Variants in RARS1 observed in about 807,000 individuals in gnomAD.
RARS1 encodes the protein arginine--tRNA ligase, cytoplasmic.
In RARS1, 75 loss-of-function variants were observed where a neutral mutation model predicts 78.7. The observed-to-expected ratio is 0.95, with a 90% CI of 0.79 to 1.15. RARS1 has a LOEUF of 1.15. Among genes scored for constraint, RARS1 ranks in the 50% most tolerant of loss-of-function variants. The probability of loss-of-function intolerance (pLI) is 0.00; values close to 1 mark genes in which losing one functional copy is unlikely to be tolerated. For missense variants in RARS1, 787 were observed against 787.5 expected, an observed-to-expected ratio of 1.00 and a Z score of 0.01; for synonymous variants, 273 against 268.2, an observed-to-expected ratio of 1.02 and a Z score of -0.18.
chr5:168,492,695 A>G lies in RARS1; in HGVS notation c.217A>G (p.Met73Val), dbSNP rs896438314. 2.5e-6 allele frequency: 4 copies of G among 1,610,552 alleles called. No homozygotes were observed. The Admixed American group carries it at 5.0e-5, about 20-fold the overall frequency. ...QAERNKPTKN[M>V]INIISRLQEV... ...AGAAAGGAACAAACCAACTAAAAAT[A>G]TGATTAACATTATTAGCCGCCTACA... Residue 73 changes from methionine to valine, a missense_variant, in exon 3 of 15, where the codon ATG becomes GTG. Physicochemically the swap from Met to Val is conservative, Grantham distance 21. Transcript: ENST00000231572.
intron 12 of RARS1, 97 bp from the exon 13 acceptor site, chr5:168,516,681 C>T (rs1758672022): frequency 8.5e-7 from 1 of 1,180,914 alleles, no homozygotes; most frequent in Admixed American, 2.0e-5. Flanking sequence ...TAAAAGAATA[C>T]CATTAGATGT....
At chr5:168,505,078 A>G (rs1758409566) in intron 9 of RARS1, among the ~76,000 whole-genome samples, 1 of 152,242 alleles carries the variant, frequency 6.6e-6, no homozygotes, top group Non-Finnish European at 1.5e-5. Flanking sequence ...AGGGTCACAT[A>G]GCTAATAAGC....
chr5:168,499,246 A>G (rs1758265254), intron 7 of RARS1, among the ~76,000 whole-genome samples: 3 of 152,234 alleles, frequency 2.0e-5, no homozygotes, highest in Admixed American at 2.0e-4. Context: ...GGCAAGGTCA[A>G]GGCTGCATTG....
At chr5:168,515,735 G>A (rs949251619) in intron 12 of RARS1, among the ~76,000 whole-genome samples, 7 of 152,336 alleles carry the variant, frequency 4.6e-5, no homozygotes, top group African/African-American at 1.2e-4. Context: ...TCAATGGCGT[G>A]TGTGCTAATG....
intron 14 of RARS1, 33 bp downstream of exon 14, chr5:168,518,095 T>TTTTTTTTTTTG: frequency 2.2e-6 from 3 of 1,338,146 alleles, no homozygotes; most frequent in Non-Finnish European, 2.9e-6. Context: ...TTTTTTTTTT[T>TTTTTTTTTTTG]AGTGAGAGAC....
At chr5:168,507,468 G>C (rs546307588) in intron 11 of RARS1, among the ~76,000 whole-genome samples, 2 of 152,186 alleles carry the variant, frequency 1.3e-5, no homozygotes, top group East Asian at 3.9e-4. Flanking sequence ...GGTGTCTTAG[G>C]ATCACTTACC....
chr5:168,500,559 C>T (rs1327955570), intron 7 of RARS1, 32 bp from the exon 8 acceptor site: 4 of 1,416,754 alleles, frequency 2.8e-6, no homozygotes, highest in Admixed American at 6.7e-5. Flanking sequence ...TCTTTTTACA[C>T]ACCTTACTTT....
At chr5:168,505,714 G>GAAAAAA (rs60743864) in intron 9 of RARS1, among the ~76,000 whole-genome samples, 5 of 114,226 alleles carry the variant, frequency 4.4e-5, no homozygotes, top group African/African-American at 6.6e-5. Context: ...TATCAAAAAA[G>GAAAAAA]AAAAAAAAAA....
intron 9 of RARS1, among the ~76,000 whole-genome samples, chr5:168,502,384 A>ATATATATATATATATATATT (rs1280220276): frequency 1.6e-5 from 2 of 127,248 alleles, no homozygotes; most frequent in African/African-American, 6.3e-5. Context: ...ATATATATAT[A>ATATATATATATATATATATT]TTTTTTTTTT....
At chr5:168,486,635 CGAGG>C in intron 1 of RARS1, 92 bp downstream of exon 1, 1 of 1,362,746 alleles carries the variant, frequency 7.3e-7, no homozygotes, top group Non-Finnish European at 1.0e-6. Context: ...GACAGCTAGG[CGAGG>C]ACCATCCTGG....
At chr5:168,502,314 A>G (rs1463792178) in intron 9 of RARS1, among the ~76,000 whole-genome samples, 2 of 150,226 alleles carry the variant, frequency 1.3e-5, no homozygotes, top group Admixed American at 1.3e-4. Flanking sequence ...CTCTGAAAGA[A>G]CAGGACCTTC....
intron 4 of RARS1, 73 bp downstream of exon 4, chr5:168,494,075 C>A: frequency 7.1e-7 from 1 of 1,399,528 alleles, no homozygotes; most frequent in Non-Finnish European, 9.9e-7. Context: ...AAAGAACACA[C>A]ATTTTAATTA....
intron 4 of RARS1, 24 bp downstream of exon 4, chr5:168,494,026 T>G: frequency 9.7e-6 from 15 of 1,552,276 alleles, no homozygotes; most frequent in Non-Finnish European, 1.2e-5. Context: ...TTATCCTTCT[T>G]AATAGTTGTA....
rs368338812 is a variant in RARS1 at position 168,518,049 on chromosome 5, A to G, written c.1860A>G (p.Lys620=). The change falls in exon 14 of 15, where the codon AAA becomes AAG. Residue 620 remains lysine, a synonymous_variant. Transcript: ENST00000231572. ...EFYDSCYCVE[K]DRQTGKILKV... ...ATGATAGCTGCTACTGTGTGGAGAA[A>G]GATAGACAGACTGGTGAGTGTCTTT... 1 of 1,425,276 alleles carries G rather than the reference A, an allele frequency of 7.0e-7. No individual in the cohort carries two copies. Among genetic ancestry groups the G allele is most frequent in the Non-Finnish European group, 9.3e-7 (1 of 1,072,148 alleles). The allele number at this position is 1,425,276 out of a possible 1,614,324, so 88.3% of individuals were successfully genotyped here.
intron 5 of RARS1, 164 bp from the exon 6 acceptor site, chr5:168,495,142 AAAATCAAAC>A: frequency 8.8e-7 from 1 of 1,136,270 alleles, no homozygotes; most frequent in Non-Finnish European, 1.2e-6. Flanking sequence ...GATCCATCAT[AAAATCAAAC>A]ATGGTTGAAT....
intron 12 of RARS1, among the ~76,000 whole-genome samples, chr5:168,513,968 A>G (rs959302615): frequency 3.9e-5 from 6 of 152,180 alleles, no homozygotes; most frequent in African/African-American, 1.4e-4. Context: ...CAGCATTTTT[A>G]GAGATGACAT....
chr5:168,519,247 G>C lies in RARS1; in HGVS notation c.*57G>C, dbSNP rs1205619287. ...ACCAAAGTGGCCATTGGCACTGTTTGCTTTTTTACAATCATGTGGACACAA... is the reference window on the plus strand; with the variant it reads ...ACCAAAGTGGCCATTGGCACTGTTTCCTTTTTTACAATCATGTGGACACAA... On this transcript the variant is annotated 3_prime_UTR_variant, in exon 15 of 15. Transcript: ENST00000231572. The C allele has an allele frequency of 1.5e-6, 2 of 1,366,872 alleles. No individual in the cohort carries two copies. Among genetic ancestry groups the C allele is most frequent in the African/African-American group, 2.9e-5 (2 of 69,264 alleles). 84.7% of individuals were successfully genotyped at this position (1,366,872 alleles called of 1,614,324 possible).
At position 168,516,761 on chromosome 5, in the gene RARS1, T is replaced by G. The variant is rs202160674; in HGVS notation, c.1453-17T>G. The G allele has an allele frequency of 2.7e-4, 433 of 1,613,378 alleles. 5 individuals are homozygous for G. In the East Asian group the frequency reaches 7.6e-3, roughly 28 times the overall value. ...GCAGTCAGTAAGCTATGAAATACTG[T>G]TTTGTTTTTCCCAAAGGTCTTAACT... On this transcript the variant is annotated splice_polypyrimidine_tract_variant and intron_variant, in intron 12 of 14. Coordinates refer to ENST00000231572, the MANE Select transcript of RARS1 (RefSeq NM_002887.4).
intron 2 of RARS1, among the ~76,000 whole-genome samples, chr5:168,489,099 C>T (rs944371877): frequency 1.3e-5 from 2 of 152,112 alleles, no homozygotes; most frequent in African/African-American, 4.8e-5. Context: ...CGGCTCAGTA[C>T]AGCCTCAACC....
Sources: allele counts gnomAD v4.1 joint callset (sites outside exome capture counted in the v4.1 genomes callset), GRCh38; gene constraint gnomAD v4.1.1; transcripts MANE v1.5; gene names NCBI Gene and HGNC (gene_info 2026-07-23, HGNC 2026-07-21).